The following CLEC7A variants were observed in gnomAD, a reference collection of about 807,000 sequenced individuals.
CLEC7A encodes the protein C-type lectin domain containing 7A, also known as C-type lectin domain family 7 member A.
In CLEC7A, 25 loss-of-function variants were observed where a neutral mutation model predicts 26.9. That is an observed-to-expected ratio of 0.93 (90% CI 0.68 to 1.30). CLEC7A has a LOEUF of 1.30. Among genes scored for constraint, CLEC7A ranks in the 50% most tolerant of loss-of-function variants. CLEC7A has a pLI of 0.00. For synonymous variants in CLEC7A, 100 were observed against 99.5 expected (o/e 1.01, Z -0.03); for missense variants, 275 against 286.7 (o/e 0.96, Z 0.29).
intron 2 of CLEC7A, chr12:10,126,912 A>T: frequency 1.8e-6 from 1 of 554,922 alleles, no homozygotes; most frequent in Non-Finnish European, 2.8e-6. Flanking sequence ...AAGGAGGTAT[A>T]GTAAAAAAAA....
intron 1 of CLEC7A, among the ~76,000 whole-genome samples, chr12:10,128,250 CCAA>C (rs774175644): frequency 0.015 from 2,197 of 144,266 alleles, 28 homozygotes; most frequent in African/African-American, 0.037. Flanking sequence ...ACACACACCA[CCAA>C]CAACAACAAC....
chr12:10,123,746 C>T (rs371681249), intron 4 of CLEC7A, among the ~76,000 whole-genome samples: 2 of 112,950 alleles, frequency 1.8e-5, no homozygotes, highest in African/African-American at 8.8e-5. Flanking sequence ...CCGGCCTGGG[C>T]GACAGAGCGA....
At chr12:10,120,820 T>TCTCGGCTCACTGCAAC (rs1948062776) in intron 5 of CLEC7A, among the ~76,000 whole-genome samples, 1 of 147,372 alleles carries the variant, frequency 6.8e-6, no homozygotes, top group Non-Finnish European at 1.5e-5. Context: ...AGTGGTGCGA[T>TCTCGGCTCACTGCAAC]CTCGGCTCAC....
chr12:10,126,376 C>T (rs1193209625), intron 3 of CLEC7A, 195 bp downstream of exon 3: 6 of 979,830 alleles, frequency 6.1e-6, no homozygotes, highest in Admixed American at 1.2e-4. Flanking sequence ...CAGCCAACTG[C>T]ATAGGGTACT....
rs766564798 is a variant in CLEC7A, at chr12:10,118,486, C to G, written c.716G>C (p.Ser239Thr). The G allele has an allele frequency of 6.2e-7, 1 of 1,611,330 alleles. No homozygotes were observed. Among genetic ancestry groups the G allele is most frequent in the Admixed American group, 1.7e-5 (1 of 59,952 alleles). ...CATTGAAAACTTCTTCTCACAAATA[C>G]TATATGAGGGCACACTACACAGTTG... is the stretch of plus-strand genomic sequence containing the variant. ...YDQLCSVPSY[S>T]ICEKKFSM The change falls in exon 6 of 6, where the codon AGT becomes ACT. Residue 239 changes from serine to threonine, a missense_variant. By Grantham distance (58) the Ser-to-Thr change is moderately conservative. Transcript: ENST00000304084.
chr12:10,126,805 G>T, intron 2 of CLEC7A, 97 bp from the exon 3 acceptor site: 8 of 933,522 alleles, frequency 8.6e-6, no homozygotes, highest in South Asian at 3.5e-5. Flanking sequence ...TGGAATAAAA[G>T]AATACATTAT....
At chr12:10,123,731 G>A (rs1329110093) in intron 4 of CLEC7A, among the ~76,000 whole-genome samples, 1 of 134,526 alleles carries the variant, frequency 7.4e-6, no homozygotes. Flanking sequence ...ACTGCAGTCC[G>A]CAGTCCGGCC....
At chr12:10,125,785 T>C (rs527858229) in intron 3 of CLEC7A, among the ~76,000 whole-genome samples, 1 of 152,308 alleles carries the variant, frequency 6.6e-6, no homozygotes, top group Non-Finnish European at 1.5e-5. Flanking sequence ...CAATCAGTCA[T>C]TGAGGTACAC....
At chr12:10,121,389 A>G (rs532601590) in intron 5 of CLEC7A, among the ~76,000 whole-genome samples, 1 of 152,320 alleles carries the variant, frequency 6.6e-6, no homozygotes, top group Non-Finnish European at 1.5e-5. Flanking sequence ...GCTTCAACAC[A>G]TCGAATAAAA....
intron 5 of CLEC7A, 69 bp downstream of exon 5, chr12:10,123,176 A>G (rs1290058290): frequency 8.3e-6 from 8 of 964,146 alleles, no homozygotes; most frequent in Non-Finnish European, 1.3e-5. Context: ...TGCTCGACAG[A>G]GGTTTTCATA....
intron 1 of CLEC7A, among the ~76,000 whole-genome samples, chr12:10,128,934 A>G (rs1472374523): frequency 6.6e-6 from 1 of 152,218 alleles, no homozygotes; most frequent in East Asian, 1.9e-4. Context: ...CTCAAAGATA[A>G]TAGGGAACTA....
At chr12:10,127,423 T>C (rs1421577729) in intron 2 of CLEC7A, 5 of 1,613,908 alleles carry the variant, frequency 3.1e-6, no homozygotes, top group Non-Finnish European at 4.2e-6. Context: ...ATCCTTTGAA[T>C]TCCACAGCTT....
intron 5 of CLEC7A, among the ~76,000 whole-genome samples, chr12:10,119,678 A>G (rs937705652): frequency 1.2e-4 from 19 of 152,362 alleles, no homozygotes; most frequent in African/African-American, 4.6e-4. Context: ...AGCAGTTTGT[A>G]CTGTTCACAC....
At position 10,130,097 on chromosome 12, in the gene CLEC7A, C is replaced by T. The variant is rs370943170; in HGVS notation, c.-15G>A. The T allele has an allele frequency of 7.8e-7, 1 of 1,286,150 alleles. No individual in the cohort carries two copies. Among genetic ancestry groups the T allele is most frequent in the Non-Finnish European group, 1.1e-6 (1 of 884,990 alleles). The allele number at this position is 1,286,150 out of a possible 1,614,324, so 79.7% of individuals were successfully genotyped here. ...TGATATTCCATTGTTCTTGAGAGCC[C>T]CTGAATAGATATAGCATTTGGGAGC... On this transcript the variant is annotated 5_prime_UTR_variant, in exon 1 of 6. Transcript: ENST00000304084.
intron 5 of CLEC7A, among the ~76,000 whole-genome samples, chr12:10,121,956 C>T (rs1236926511): frequency 6.6e-6 from 1 of 151,994 alleles, no homozygotes; most frequent in East Asian, 1.9e-4. Flanking sequence ...GGCAGTGAGC[C>T]GAGATCGCCA....
chr12:10,127,827 G>A lies in CLEC7A; in HGVS notation c.122C>T (p.Pro41Leu), dbSNP rs150877695. The A allele has an allele frequency of 7.3e-5, 114 of 1,564,334 alleles. No homozygotes were observed. The South Asian group carries it at 8.0e-4, about 11-fold the overall frequency. The change falls in exon 2 of 6, where the codon CCT becomes CTT. Residue 41 changes from proline to leucine, a missense_variant. Physicochemically the swap from Pro to Leu is moderately conservative, Grantham distance 98. Coordinates refer to ENST00000304084, the MANE Select transcript of CLEC7A (RefSeq NM_197947.3). ...VSEKGSCAAS[P>L]PWRLIAVILG... ...AATTACAGCAATGAGGCGCCAAGGA[G>A]GAGATGCAGCACACGATCCTGAGGA...
At position 10,128,952 on chromosome 12, in the gene CLEC7A, A is replaced by G. The variant is rs181952797; in HGVS notation, c.103+1028T>C. On this transcript the variant is annotated intron_variant, in intron 1 of 5. Coordinates refer to ENST00000304084, the MANE Select transcript of CLEC7A (RefSeq NM_197947.3). ...AAAGATAATAGGGAACTAATTTTGT[A>G]TGAACATTGCCATAACCAGAATGTA... 3.3e-5 allele frequency among the ~76,000 whole-genome samples: 5 copies of G among 152,360 alleles called. No individual in the cohort carries two copies. The East Asian group carries it at 9.6e-4, about 29-fold the overall frequency.
At chr12:10,130,208 TTTAACAAA>T, upstream of CLEC7A, 1 of 542,478 alleles carries the variant, frequency 1.8e-6, no homozygotes. Context: ...CTTACCGGAG[TTTAACAAA>T]TTAAGCTTAA....
At chr12:10,126,914 TA>T (rs5796381) in intron 2 of CLEC7A, 22,663 of 500,868 alleles carry the variant, frequency 0.045, 4 homozygotes, top group East Asian at 0.18. Flanking sequence ...GGAGGTATAG[TA>T]AAAAAAAAAA....
Sources: allele counts gnomAD v4.1 joint callset (sites outside exome capture counted in the v4.1 genomes callset), GRCh38; gene constraint gnomAD v4.1.1; transcripts MANE v1.5; gene names NCBI Gene and HGNC (gene_info 2026-07-23, HGNC 2026-07-21).